ELAVL3: variants seen among roughly 807,000 people sequenced by gnomAD.
ELAVL3 encodes ELAV like RNA binding protein 3, also known as ELAV-like protein 3.
ELAVL3 carries 8 observed loss-of-function variants against 34.2 expected under a neutral mutation model. The observed-to-expected ratio is 0.23, with a 90% CI of 0.14 to 0.42. The LOEUF (loss-of-function observed/expected upper bound fraction) is 0.42, where lower values mean the gene tolerates loss of function less well. Ranked by LOEUF, ELAVL3 falls within the 10% of genes least tolerant of loss-of-function variation. The probability of loss-of-function intolerance (pLI) is 1.00; values close to 1 mark genes in which losing one functional copy is unlikely to be tolerated. For missense variants in ELAVL3, 273 were observed against 518.8 expected (o/e 0.53, Z 4.60); for synonymous variants, 209 against 222.1 (o/e 0.94, Z 0.53).
Position 11,453,958 on chromosome 19 carries a change from T to A in ELAVL3, c.*568A>T, listed in dbSNP as rs559068480. On this transcript the variant is annotated 3_prime_UTR_variant, in exon 7 of 7. Coordinates refer to ENST00000359227, the MANE Select transcript of ELAVL3 (RefSeq NM_001420.4). ...AGTTTTTCTTCCCCTCCCACCCCCCTTTTTTTTTCATTTTGTTTCTGCTTC... is the reference window on the plus strand; with the variant it reads ...AGTTTTTCTTCCCCTCCCACCCCCCATTTTTTTTCATTTTGTTTCTGCTTC... The A allele has an allele frequency of 6.8e-6, 1 of 146,092 alleles. No individual in the cohort carries two copies. The highest frequency in any genetic ancestry group is 6.8e-5 in the Admixed American group (1 of 14,634). 9.0% of individuals were successfully genotyped at this position (146,092 alleles called of 1,614,324 possible).
At chr19:11,467,069 C>T (rs567825642) in intron 1 of ELAVL3, among the ~76,000 whole-genome samples, 15 of 152,244 alleles carry the variant, frequency 9.9e-5, no homozygotes, top group East Asian at 7.7e-4. Flanking sequence ...CTACTATATA[C>T]GCAAACAGAG....
chr19:11,468,133 T>C (rs1320140519), intron 1 of ELAVL3, among the ~76,000 whole-genome samples: 1 of 152,094 alleles, frequency 6.6e-6, no homozygotes, highest in East Asian at 1.9e-4. Context: ...CCTAAACATA[T>C]TTATTTGCCT....
At chr19:11,456,657 G>T (rs752968037) in intron 6 of ELAVL3, among the ~76,000 whole-genome samples, 3 of 150,276 alleles carry the variant, frequency 2.0e-5, no homozygotes, top group Non-Finnish European at 3.0e-5. Context: ...GAGACACCGC[G>T]CCCAGCCACA....
intron 5 of ELAVL3, among the ~76,000 whole-genome samples, chr19:11,457,515 C>G (rs979361790): frequency 1.8e-4 from 28 of 152,326 alleles, no homozygotes; most frequent in African/African-American, 6.5e-4. Flanking sequence ...GGGTAACTTG[C>G]CCCGGCCACC....
rs1377272477 is a variant in ELAVL3, at chr19:11,466,324, G to C, written c.230-49C>G. 2 of 1,545,316 alleles carry C rather than the reference G, an allele frequency of 1.3e-6. No individual in the cohort carries two copies. The highest frequency in any genetic ancestry group is 1.8e-6 in the Non-Finnish European group (2 of 1,118,456). On this transcript the variant is annotated intron_variant, in intron 2 of 6. Transcript: ENST00000359227. The surrounding 1 kb of genome is among the most constrained non-coding windows in gnomAD (Gnocchi z 5.0). ...ACCTTCCCACCCAGCCTTGACACCTGCCAGTGTCCCACCTCAGGCCTGAGA... is the reference window on the plus strand; with the variant it reads ...ACCTTCCCACCCAGCCTTGACACCTCCCAGTGTCCCACCTCAGGCCTGAGA...
chr19:11,457,136 C>T lies in ELAVL3; in HGVS notation c.726G>A (p.Leu242=). ...TCTTGACGCCGTAGGCCATGTTGAG[C>T]AAATTGTCCAGCCTGTGGAGGCAGA... is the stretch of plus-strand genomic sequence containing the variant. ...HQTQRFRLDN[L]LNMAYGVKSP... The change falls in exon 6 of 7, where the codon TTG becomes TTA. Residue 242 remains leucine, a synonymous_variant. Transcript: ENST00000359227. The T allele has an allele frequency of 6.5e-7, 1 of 1,547,238 alleles. No homozygotes were observed. The highest frequency in any genetic ancestry group is 8.7e-7 in the Non-Finnish European group (1 of 1,153,906).
At chr19:11,467,382 A>G (rs1237536949) in intron 1 of ELAVL3, among the ~76,000 whole-genome samples, 1 of 152,002 alleles carries the variant, frequency 6.6e-6, no homozygotes. Context: ...AGATTGCGCC[A>G]TTGCACTCCA....
intron 3 of ELAVL3, among the ~76,000 whole-genome samples, chr19:11,464,593 ACACACACACATACAC>A (rs972230843): frequency 2.1e-5 from 3 of 145,036 alleles, no homozygotes; most frequent in Non-Finnish European, 3.0e-5. Flanking sequence ...ACACACACAT[ACACACACACATACAC>A]CACACACACC....
Position 11,454,308 on chromosome 19 carries a change from G to T in ELAVL3, c.*218C>A. 1 of 564,092 alleles carries T rather than the reference G, an allele frequency of 1.8e-6. No individual in the cohort carries two copies. Among genetic ancestry groups the T allele is most frequent in the Non-Finnish European group, 3.1e-6 (1 of 318,116 alleles). 34.9% of individuals were successfully genotyped at this position (564,092 alleles called of 1,614,324 possible). On this transcript the variant is annotated 3_prime_UTR_variant, in exon 7 of 7. Transcript: ENST00000359227. The surrounding 1 kb of genome is among the most constrained non-coding windows in gnomAD (Gnocchi z 9.2). ...AGCCCAGCCTGGGGTGGGGGCAGGA[G>T]GATGGGGCGGGGGATCCCCGGGCAC...
chr19:11,479,623 C>T (rs1254490302), intron 1 of ELAVL3, among the ~76,000 whole-genome samples: 1 of 151,522 alleles, frequency 6.6e-6, no homozygotes, highest in African/African-American at 2.4e-5. Context: ...TCCGAGGGCT[C>T]GGGCGAGGCC....
intron 1 of ELAVL3, among the ~76,000 whole-genome samples, chr19:11,479,469 G>A (rs1971327435): frequency 6.6e-6 from 1 of 152,138 alleles, no homozygotes; most frequent in African/African-American, 2.4e-5. Context: ...GAGTGGAAGA[G>A]GGAGGCCCAG....
Position 11,480,232 on chromosome 19 carries a change from C to T in ELAVL3, c.9+368G>A, listed in dbSNP as rs1325298865. ...TTTGGCTTGGCCCAGCACCAGTGAT[C>T]GGGCCCTGCGTTTGCCTGGGCGGCC... On this transcript the variant is annotated intron_variant, in intron 1 of 6. Transcript: ENST00000359227. The surrounding 1 kb of genome is among the most constrained non-coding windows in gnomAD (Gnocchi z 6.8). The T allele has an allele frequency of 1.2e-5, 3 of 248,912 alleles. No homozygotes were observed. The highest frequency in any genetic ancestry group is 6.7e-5 in the African/African-American group (3 of 44,930). 15.4% of individuals were successfully genotyped at this position (248,912 alleles called of 1,614,324 possible).
At chr19:11,462,787 C>T (rs1333310937) in intron 3 of ELAVL3, among the ~76,000 whole-genome samples, 4 of 151,140 alleles carry the variant, frequency 2.6e-5, no homozygotes, top group East Asian at 1.9e-4. Flanking sequence ...GCTGAAACCC[C>T]GTCTCTACTA....
intron 3 of ELAVL3, among the ~76,000 whole-genome samples, chr19:11,464,133 C>CTCTG (rs992734562): frequency 0.049 from 4,923 of 100,010 alleles, 160 homozygotes; most frequent in East Asian, 0.15. Flanking sequence ...GTCTCTCTCT[C>CTCTG]TCTCTCTCTC....
In ELAVL3 at chr19:11,453,859, GT is replaced by G. The variant is rs777820255; in HGVS notation, c.*666del. ...TTTTTTTTTTTTTGTCTTTTTTTGT[GT>G]TTTTTTTTTTCAAGTTCAAGAATCC... On this transcript the variant is annotated 3_prime_UTR_variant, in exon 7 of 7. Transcript: ENST00000359227. 452 of 101,974 alleles carry G rather than the reference GT, an allele frequency of 4.4e-3. 3 individuals are homozygous for G. Among genetic ancestry groups the G allele is most frequent in the South Asian group, 0.013 (40 of 3,154 alleles). 6.3% of individuals were successfully genotyped at this position (101,974 alleles called of 1,614,324 possible).
chr19:11,465,145 TACACAC>T (rs1971014080), intron 3 of ELAVL3, among the ~76,000 whole-genome samples: 1 of 49,796 alleles, frequency 2.0e-5, no homozygotes, highest in Non-Finnish European at 4.0e-5. Flanking sequence ...CACATACACA[TACACAC>T]CACACACATA....
chr19:11,461,483 C>T (rs974126733), intron 3 of ELAVL3, among the ~76,000 whole-genome samples: 1 of 121,826 alleles, frequency 8.2e-6, no homozygotes, highest in Admixed American at 8.7e-5. Flanking sequence ...TCCCTCCCTT[C>T]CTTCCTTCCT....
At position 11,466,934 on chromosome 19, in the gene ELAVL3, G is replaced by A. The variant is rs1004714060; in HGVS notation, c.10-107C>T. On this transcript the variant is annotated intron_variant, in intron 1 of 6. Transcript: ENST00000359227. The surrounding 1 kb of genome is among the most constrained non-coding windows in gnomAD (Gnocchi z 5.0). ...ATTAGCCATGTCTTATAGGGGCTTC[G>A]TCATGGGGAGGGGTCACTTTATTAT... 67 of 840,034 alleles carry A rather than the reference G, an allele frequency of 8.0e-5. 3 individuals carry two copies. The highest frequency in any genetic ancestry group is 7.4e-4 in the South Asian group (43 of 57,786). The allele number at this position is 840,034 out of a possible 1,614,324, so 52.0% of individuals were successfully genotyped here. A position where few individuals can be genotyped will look rare whatever the true frequency, so the allele number is the denominator to read the frequency against.
At position 11,451,419 on chromosome 19, in the gene ELAVL3, C is replaced by T. The variant is rs1970620817; in HGVS notation, c.*3107G>A. The T allele has an allele frequency of 6.6e-6, 1 of 150,794 alleles. No homozygotes were observed. The highest frequency in any genetic ancestry group is 1.5e-5 in the Non-Finnish European group (1 of 67,932). The allele number at this position is 150,794 out of a possible 1,614,324, so 9.3% of individuals were successfully genotyped here. On this transcript the variant is annotated 3_prime_UTR_variant, in exon 7 of 7. Transcript: ENST00000359227. ...TGTTACCGCGGCCAGGCCTGTGATCCCGGTAATAAATAGTCTAAACGCAAC... is the reference window on the plus strand; with the variant it reads ...TGTTACCGCGGCCAGGCCTGTGATCTCGGTAATAAATAGTCTAAACGCAAC...
Sources: allele counts gnomAD v4.1 joint callset (sites outside exome capture counted in the v4.1 genomes callset), GRCh38; gene constraint gnomAD v4.1.1; non-coding constraint Gnocchi (gnomAD v3.1); transcripts MANE v1.5; gene names NCBI Gene and HGNC (gene_info 2026-07-23, HGNC 2026-07-21).